IL6ST: variants seen among roughly 807,000 people sequenced by gnomAD.
IL6ST encodes interleukin 6 cytokine family signal transducer.
A neutral mutation model predicts 91.3 loss-of-function variants in IL6ST; 24 were observed. That is an observed-to-expected ratio of 0.26 (90% CI 0.19 to 0.37). The LOEUF (loss-of-function observed/expected upper bound fraction) is 0.37, where lower values mean the gene tolerates loss of function less well. Among genes scored for constraint, IL6ST ranks in the 10% least tolerant of loss-of-function variants. The probability of loss-of-function intolerance (pLI) is 1.00; values close to 1 mark genes in which losing one functional copy is unlikely to be tolerated. For synonymous variants in IL6ST, 351 were observed against 373.6 expected, an observed-to-expected ratio of 0.94 and a Z score of 0.70; for missense variants, 914 against 1,078.5, an observed-to-expected ratio of 0.85 and a Z score of 2.14.
At position 55,956,149 on chromosome 5, in the gene IL6ST, T is replaced by C; in HGVS notation, c.1143A>G (p.Thr381=). The C allele has an allele frequency of 6.2e-7, 1 of 1,611,360 alleles. No homozygotes were observed. Among genetic ancestry groups the C allele is most frequent in the Non-Finnish European group, 8.5e-7 (1 of 1,177,430 alleles). The change falls in exon 10 of 17, where the codon ACA becomes ACG. Residue 381 remains threonine (T), a synonymous_variant. Transcript: ENST00000381298. ...TTACTGTCAGTTTTGTGGCATTAACTGTGTAATTTTGTAAATGTGATTTCC... is the reference window on the plus strand; with the variant it reads ...TTACTGTCAGTTTTGTGGCATTAACCGTGTAATTTTGTAAATGTGATTTCC... ...TRWKSHLQNY[T]VNATKLTVNL... is the part of the protein sequence containing the mutation.
intron 9 of IL6ST, among the ~76,000 whole-genome samples, chr5:55,956,552 T>C (rs1195788475): frequency 6.6e-6 from 1 of 152,246 alleles, no homozygotes; most frequent in African/African-American, 2.4e-5. Flanking sequence ...CCTTCTTTTT[T>C]AGTATGATCT....
rs777555195 is a variant in IL6ST at position 55,941,085 on chromosome 5, C to T, written c.2754G>A (p.Gln918=). Residue 918 remains glutamine (Q), a synonymous_variant, in exon 17 of 17, where the codon CAG becomes CAA. Coordinates refer to ENST00000381298, the MANE Select transcript of IL6ST (RefSeq NM_002184.4). The part of the protein sequence containing the change: ...QTVRQGGYMP[Q] ...TGTAGCAGGAACTACTAGTCCTTCACTGAGGCATGTAGCCGCCTTGCCGTA... is the reference window on the plus strand; with the variant it reads ...TGTAGCAGGAACTACTAGTCCTTCATTGAGGCATGTAGCCGCCTTGCCGTA... 6.2e-7 allele frequency: 1 copy of T among 1,608,036 alleles called. No individual in the cohort carries two copies. Among genetic ancestry groups the T allele is most frequent in the Non-Finnish European group, 8.5e-7 (1 of 1,176,452 alleles).
At chr5:55,956,258 T>A (rs780585368) in intron 9 of IL6ST, 23 bp from the exon 10 acceptor site, 21 of 1,332,578 alleles carry the variant, frequency 1.6e-5, no homozygotes, top group African/African-American at 5.9e-5. Context: ...AGTTTATTTT[T>A]AAAAATAATC....
chr5:55,950,171 G>A (rs1217185298), intron 14 of IL6ST: 1 of 492,976 alleles, frequency 2.0e-6, no homozygotes, highest in East Asian at 5.8e-5. Context: ...AACGAGGGAG[G>A]GAAAATGTAT....
intron 8 of IL6ST, chr5:55,959,624 A>T: frequency 1.5e-6 from 2 of 1,292,880 alleles, no homozygotes; most frequent in Non-Finnish European, 2.0e-6. Flanking sequence ...ATAAAAACTA[A>T]CCAACCAAAA....
Position 55,940,144 on chromosome 5 carries a change from T to TATATAC in IL6ST, c.*937_*938insGTATAT. On this transcript the variant is annotated 3_prime_UTR_variant, in exon 17 of 17. Transcript: ENST00000381298. ...AATGATATGTGTGTGTATATATATA[T>TATATAC]ATATATATACACACATTAGCAATTT... The TATATAC allele has an allele frequency of 4.9e-6, 1 of 204,082 alleles. No homozygotes were observed. Among genetic ancestry groups the TATATAC allele is most frequent in the South Asian group, 1.9e-4 (1 of 5,284 alleles). 12.6% of individuals were successfully genotyped at this position (204,082 alleles called of 1,614,324 possible).
rs767953259 is a variant in IL6ST at position 55,952,078 on chromosome 5, G to T, written c.1553-3C>A. 1 of 1,606,958 alleles carries T rather than the reference G, an allele frequency of 6.2e-7. No individual in the cohort carries two copies. The highest frequency in any genetic ancestry group is 1.7e-5 in the Admixed American group (1 of 58,006). ...AACAGTAGGTCCTTTGGAAGGTGCT[G>T]TAACAGAGTGAACACATTTGCTAAC... On this transcript the variant is annotated splice_region_variant and splice_polypyrimidine_tract_variant and intron_variant, in intron 12 of 16. Transcript: ENST00000381298.
chr5:55,943,240 TA>T (rs1483983600), intron 15 of IL6ST, among the ~76,000 whole-genome samples: 1 of 152,034 alleles, frequency 6.6e-6, no homozygotes. Context: ...GGAAGTAATA[TA>T]AAAAGTAGTA....
chr5:55,969,622 G>C lies in IL6ST; in HGVS notation c.298C>G (p.Gln100Glu). 1 of 1,611,976 alleles carries C rather than the reference G, an allele frequency of 6.2e-7. No individual in the cohort carries two copies. Among genetic ancestry groups the C allele is most frequent in the Non-Finnish European group, 8.5e-7 (1 of 1,178,190 alleles). Residue 100 changes from glutamine to glutamate, a missense_variant, in exon 4 of 17, where the codon CAG becomes GAG. Transcript: ENST00000381298. ...TFTDIASLNI[Q>E]LTCNILTFGQ... is the part of the protein sequence containing the mutation. ...AATGTAAGAATGTTGCAAGTGAGCT[G>C]AATATTTAATGAAGCTATATCTGTA...
chr5:55,941,523 C>G lies in IL6ST; in HGVS notation c.2316G>C (p.Pro772=), dbSNP rs751591161. The change falls in exon 17 of 17, where the codon CCG becomes CCC. Residue 772 remains proline, a synonymous_variant. Transcript: ENST00000381298. ...CGGATCTTGAGAAGACTTGGACTGA[C>G]GGAACTTGGTGTCTGTAGCCACTGT... ...VVHSGYRHQV[P]SVQVFSRSES... 1.9e-5 allele frequency: 31 copies of G among 1,613,984 alleles called. No individual in the cohort carries two copies. The African/African-American group carries it at 3.7e-4, about 19-fold the overall frequency.
At chr5:55,967,967 T>C (rs1296073666) in intron 5 of IL6ST, among the ~76,000 whole-genome samples, 1 of 151,970 alleles carries the variant, frequency 6.6e-6, no homozygotes, top group Non-Finnish European at 1.5e-5. Context: ...GGCTAATTTT[T>C]GTAGTTTTGG....
rs532793164 is a variant in IL6ST, at chr5:55,993,499, CTATAT to C, written c.-104+1280_-104+1284del. 9.5e-4 allele frequency among the ~76,000 whole-genome samples: 144 copies of C among 152,232 alleles called. 1 individual carries two copies. Among genetic ancestry groups the C allele is most frequent in the African/African-American group, 3.2e-3 (132 of 41,544 alleles). ...GAACAACATTTTTAGTTACGTAAGA[CTATAT>C]TATATTAAATTAGGTGGCAGCAGTA... On this transcript the variant is annotated intron_variant, in intron 1 of 16. Transcript: ENST00000381298.
At chr5:55,949,531 C>CACAT (rs1229047808) in intron 14 of IL6ST, among the ~76,000 whole-genome samples, 3 of 151,984 alleles carry the variant, frequency 2.0e-5, no homozygotes, top group African/African-American at 7.2e-5. Flanking sequence ...TGTACACACA[C>CACAT]ACATACATAT....
chr5:55,981,369 G>A (rs1309232704), intron 2 of IL6ST, among the ~76,000 whole-genome samples: 1 of 152,160 alleles, frequency 6.6e-6, no homozygotes, highest in African/African-American at 2.4e-5. Flanking sequence ...TTATGGCCGG[G>A]TGCGGTGGCT....
chr5:55,970,263 G>A (rs1484125400), intron 3 of IL6ST, among the ~76,000 whole-genome samples: 2 of 152,122 alleles, frequency 1.3e-5, no homozygotes, highest in Admixed American at 1.3e-4. Context: ...TGCTGTTGTG[G>A]AGTACAGTTG....
chr5:55,950,886 C>T (rs775828460), intron 14 of IL6ST, among the ~76,000 whole-genome samples: 34 of 151,826 alleles, frequency 2.2e-4, no homozygotes, highest in Non-Finnish European at 3.7e-4. Context: ...GAGGTCAAGG[C>T]TGCAGTGTGC....
rs371591177 is a variant in IL6ST, at chr5:55,954,901, A to G, written c.1359T>C (p.Tyr453=). Residue 453 remains tyrosine (Y), a synonymous_variant, in exon 11 of 17, where the codon TAT becomes TAC. Transcript: ENST00000381298. The part of the protein sequence containing the change: ...WTTPRESVKK[Y]ILEWCVLSDK... ...CTGATAACACACACCACTCAAGTAT[A>G]TATTTCTTTACAGATTCCCTTGGAG... is the stretch of plus-strand genomic sequence containing the variant. 2.7e-5 allele frequency: 43 copies of G among 1,613,162 alleles called. No homozygotes were observed. The highest frequency in any genetic ancestry group is 1.2e-4 in the South Asian group (11 of 91,016).
At chr5:55,959,083 A>T (rs1752156443) in intron 8 of IL6ST, among the ~76,000 whole-genome samples, 1 of 152,152 alleles carries the variant, frequency 6.6e-6, no homozygotes. Context: ...GAACCCAGAG[A>T]CTTCATTCAC....
intron 3 of IL6ST, among the ~76,000 whole-genome samples, chr5:55,972,512 GA>G (rs1013658670): frequency 3.2e-4 from 49 of 151,002 alleles, no homozygotes; most frequent in Non-Finnish European, 6.5e-4. Flanking sequence ...ATTCAGTCTC[GA>G]AAAAAAAGGG....
Sources: allele counts gnomAD v4.1 joint callset (sites outside exome capture counted in the v4.1 genomes callset), GRCh38; gene constraint gnomAD v4.1.1; transcripts MANE v1.5; gene names NCBI Gene and HGNC (gene_info 2026-07-23, HGNC 2026-07-21).